PDSS2: variants seen among roughly 807,000 people sequenced by gnomAD.
PDSS2 encodes the protein all trans-polyprenyl-diphosphate synthase PDSS2.
A neutral mutation model predicts 44.5 loss-of-function variants in PDSS2; 31 were observed. That is an observed-to-expected ratio of 0.70 (90% CI 0.52 to 0.94). The LOEUF is 0.94. PDSS2 is among the 40% of genes least tolerant of loss of function. PDSS2 has a pLI of 0.00. For missense variants in PDSS2, 452 were observed against 482.2 expected (o/e 0.94, Z 0.59); for synonymous variants, 157 against 180.3 (o/e 0.87, Z 1.03).
intron 1 of PDSS2, among the ~76,000 whole-genome samples, chr6:107,452,012 TTTC>T (rs1364609903): frequency 3.9e-5 from 6 of 152,124 alleles, no homozygotes; most frequent in Non-Finnish European, 7.4e-5. Context: ...CCCATTTTCT[TTTC>T]TTTCTTCTTC....
rs149500514 is a variant in PDSS2, at chr6:107,382,202, T to C, written c.297-47870A>G. Among the ~76,000 whole-genome samples the C allele has an allele frequency of 2.8e-3, 432 of 152,374 alleles. 1 individual carries two copies. The highest frequency in any genetic ancestry group is 4.3e-3 in the Non-Finnish European group (290 of 68,036). On this transcript the variant is annotated intron_variant, in intron 1 of 7. Coordinates refer to ENST00000369037, the MANE Select transcript of PDSS2 (RefSeq NM_020381.4). Reference sequence around the variant, plus strand: ...ACTGTTATATCCCCTACACCTTTTATAATGTCAGGTGCGGGAGGTAAACAA... The same window carrying C: ...ACTGTTATATCCCCTACACCTTTTACAATGTCAGGTGCGGGAGGTAAACAA...
At chr6:107,191,261 G>A (rs1772370318) in intron 7 of PDSS2, among the ~76,000 whole-genome samples, 1 of 152,156 alleles carries the variant, frequency 6.6e-6, no homozygotes, top group South Asian at 2.1e-4. Flanking sequence ...CACTCTGGCT[G>A]GTAAAGATCT....
At chr6:107,186,437 C>T (rs189948298) in intron 7 of PDSS2, among the ~76,000 whole-genome samples, 125 of 152,234 alleles carry the variant, frequency 8.2e-4, no homozygotes, top group South Asian at 2.7e-3. Context: ...GAGTGATGGG[C>T]CATAAAGCCA....
chr6:107,194,337 T>A (rs976486019), intron 6 of PDSS2, among the ~76,000 whole-genome samples: 6 of 152,240 alleles, frequency 3.9e-5, no homozygotes, highest in African/African-American at 1.4e-4. Context: ...GCCTTTTATT[T>A]ATTATTATCA....
At chr6:107,353,803 C>A (rs1259510595) in intron 1 of PDSS2, among the ~76,000 whole-genome samples, 4 of 151,890 alleles carry the variant, frequency 2.6e-5, no homozygotes, top group African/African-American at 9.7e-5. Context: ...CAGAGTAATG[C>A]CTTTTAGAAA....
chr6:107,273,897 AC>A, intron 3 of PDSS2, 131 bp downstream of exon 3: 2 of 736,048 alleles, frequency 2.7e-6, no homozygotes, highest in Non-Finnish European at 4.9e-6. Flanking sequence ...TATGTTCATC[AC>A]AGTTTTACTG....
chr6:107,407,798 C>A (rs1361741699), intron 1 of PDSS2, among the ~76,000 whole-genome samples: 1 of 152,034 alleles, frequency 6.6e-6, no homozygotes, highest in African/African-American at 2.4e-5. Context: ...CTCCTGGGTT[C>A]AAGCAATTCT....
chr6:107,417,775 TAATAC>T lies in PDSS2; in HGVS notation c.296+41210_296+41214del, dbSNP rs1221991801. Among the ~76,000 whole-genome samples the T allele has an allele frequency of 8.3e-4, 54 of 64,910 alleles. No homozygotes were observed. In the Admixed American group the frequency reaches 0.011, roughly 13 times the overall value. The allele number at this position is 64,910 out of a possible 152,430, so 42.6% of individuals were successfully genotyped here. A position where few individuals can be genotyped will look rare whatever the true frequency, so the allele number is the denominator to read the frequency against. On this transcript the variant is annotated intron_variant, in intron 1 of 7. Transcript: ENST00000369037. ...ACCCTATCTTCAAAAAAATTAATAA[TAATAC>T]ACACACACACACACACACACACACA...
intron 1 of PDSS2, among the ~76,000 whole-genome samples, chr6:107,358,527 C>A (rs1045898868): frequency 2.0e-5 from 3 of 152,124 alleles, no homozygotes; most frequent in Admixed American, 6.5e-5. Context: ...TTATTCTACA[C>A]TTCTTGTGCC....
At chr6:107,270,387 C>T (rs1420071799) in intron 3 of PDSS2, among the ~76,000 whole-genome samples, 1 of 152,094 alleles carries the variant, frequency 6.6e-6, no homozygotes, top group East Asian at 1.9e-4. Flanking sequence ...GCTGGGATTA[C>T]AGGCATGAGC....
chr6:107,249,071 T>C (rs957758918), intron 3 of PDSS2, among the ~76,000 whole-genome samples: 1 of 152,216 alleles, frequency 6.6e-6, no homozygotes, highest in Non-Finnish European at 1.5e-5. Flanking sequence ...AAATGATTTA[T>C]ATATACTGGA....
At chr6:107,389,310 A>C (rs1009855367) in intron 1 of PDSS2, among the ~76,000 whole-genome samples, 1 of 152,216 alleles carries the variant, frequency 6.6e-6, no homozygotes, top group South Asian at 2.1e-4. Flanking sequence ...TAAATGTATG[A>C]CATAATATCT....
Position 107,359,007 on chromosome 6 carries a change from CTTTT to C in PDSS2, c.297-24679_297-24676del, listed in dbSNP as rs59632305. On this transcript the variant is annotated intron_variant, in intron 1 of 7. Coordinates refer to ENST00000369037, the MANE Select transcript of PDSS2 (RefSeq NM_020381.4). Reference sequence around the variant, plus strand: ...AATCAGGAGCTTTAGCATTCTCGCTCTTTTTTTTTTTTTTTTTTTTTGAGATGAG... The same window carrying C: ...AATCAGGAGCTTTAGCATTCTCGCTCTTTTTTTTTTTTTTTTTGAGATGAG... 4.3e-5 allele frequency among the ~76,000 whole-genome samples: 4 copies of C among 93,060 alleles called. No homozygotes were observed. The East Asian group carries it at 1.1e-3, about 25-fold the overall frequency. The allele number at this position is 93,060 out of a possible 152,430, so 61.1% of individuals were successfully genotyped here. A position where few individuals can be genotyped will look rare whatever the true frequency, so the allele number is the denominator to read the frequency against.
chr6:107,155,824 T>TG (rs1770868057), intron 7 of PDSS2, among the ~76,000 whole-genome samples: 1 of 144,154 alleles, frequency 6.9e-6, no homozygotes, highest in Non-Finnish European at 1.5e-5. Context: ...GTGATCCCCC[T>TG]GCCTTAGCCT....
intron 2 of PDSS2, among the ~76,000 whole-genome samples, chr6:107,322,979 A>C (rs1391636519): frequency 6.6e-6 from 1 of 152,174 alleles, no homozygotes; most frequent in Non-Finnish European, 1.5e-5. Flanking sequence ...TCTATTATCA[A>C]CACCACCCAC....
intron 1 of PDSS2, among the ~76,000 whole-genome samples, chr6:107,350,732 C>T (rs1033105214): frequency 6.6e-6 from 1 of 152,126 alleles, no homozygotes; most frequent in African/African-American, 2.4e-5. Context: ...ACTGCTTGAG[C>T]CCAGGAGTTC....
In PDSS2 at chr6:107,245,534, C is replaced by A; in HGVS notation, c.702+14G>T. 1 of 1,441,474 alleles carries A rather than the reference C, an allele frequency of 6.9e-7. No homozygotes were observed. The allele number at this position is 1,441,474 out of a possible 1,614,324, so 89.3% of individuals were successfully genotyped here. On this transcript the variant is annotated intron_variant, in intron 4 of 7. Coordinates refer to ENST00000369037, the MANE Select transcript of PDSS2 (RefSeq NM_020381.4). ...GTTTATAACATAACATTTTATGACTCTGAAATCCTTTACCTTTGAAGTAGA... is the reference window on the plus strand; with the variant it reads ...GTTTATAACATAACATTTTATGACTATGAAATCCTTTACCTTTGAAGTAGA...
chr6:107,442,119 C>G (rs1211065685), intron 1 of PDSS2, among the ~76,000 whole-genome samples: 1 of 152,034 alleles, frequency 6.6e-6, no homozygotes, highest in Non-Finnish European at 1.5e-5. Context: ...CCTAAGTAAT[C>G]CAAAATCAAT....
intron 4 of PDSS2, among the ~76,000 whole-genome samples, chr6:107,219,924 C>T (rs1773543968): frequency 6.6e-6 from 1 of 152,138 alleles, no homozygotes; most frequent in South Asian, 2.1e-4. Flanking sequence ...TAATGACATG[C>T]TATTCAGCAA....
Sources: allele counts gnomAD v4.1 joint callset (sites outside exome capture counted in the v4.1 genomes callset), GRCh38; gene constraint gnomAD v4.1.1; transcripts MANE v1.5; gene names NCBI Gene and HGNC (gene_info 2026-07-23, HGNC 2026-07-21).